MAML3: variants seen among roughly 807,000 people sequenced by gnomAD.
The protein encoded by MAML3 is mastermind-like protein 3.
Under a neutral mutation model 101.9 loss-of-function variants are expected in MAML3, and 27 were observed. The ratio of observed to expected loss-of-function variants is 0.27; its 90% CI spans 0.20 to 0.37. The LOEUF (loss-of-function observed/expected upper bound fraction) is 0.37, where lower values mean the gene tolerates loss of function less well. MAML3 is among the 10% of genes least tolerant of loss of function. The pLI, the probability that MAML3 is intolerant of heterozygous loss-of-function variation, is 1.00. For synonymous variants in MAML3, 501 were observed against 555.9 expected (o/e 0.90, Z 1.39); for missense variants, 1,316 against 1,444.9 (o/e 0.91, Z 1.45).
At chr4:139,894,900 T>G (rs1732579370) in intron 1 of MAML3, among the ~76,000 whole-genome samples, 1 of 152,212 alleles carries the variant, frequency 6.6e-6, no homozygotes, top group Non-Finnish European at 1.5e-5. Context: ...TTAAAGGAAA[T>G]GAAGGTTAGG....
In MAML3 at chr4:139,999,780, GT is replaced by G. The variant is rs1240234136; in HGVS notation, c.469-108814del. On this transcript the variant is annotated intron_variant, in intron 1 of 4. Transcript: ENST00000509479. The stretch of plus-strand genomic sequence containing the variant: ...AAGAACCAACTCGAAACTGTGGATT[GT>G]TTTCTTATAAGGGAATAAAAACACA... Among the ~76,000 whole-genome samples, 21 of 152,304 alleles carry G rather than the reference GT, an allele frequency of 1.4e-4. No individual in the cohort carries two copies. The South Asian group carries it at 3.1e-3, about 23-fold the overall frequency.
intron 1 of MAML3, among the ~76,000 whole-genome samples, chr4:139,893,739 C>T (rs1048635225): frequency 6.6e-6 from 1 of 152,028 alleles, no homozygotes; most frequent in Non-Finnish European, 1.5e-5. Context: ...TTTAAAAGTC[C>T]AGTTATGAAG....
At chr4:139,919,170 A>C (rs1197489852) in intron 1 of MAML3, among the ~76,000 whole-genome samples, 1 of 152,082 alleles carries the variant, frequency 6.6e-6, no homozygotes, top group Admixed American at 6.5e-5. Flanking sequence ...GAGGTGGTAG[A>C]ATCTCCTTTT....
chr4:140,041,766 A>G (rs1388824230), intron 1 of MAML3, among the ~76,000 whole-genome samples: 1 of 152,172 alleles, frequency 6.6e-6, no homozygotes, highest in African/African-American at 2.4e-5. Context: ...CATGTTTAAC[A>G]TGGGGAAAAT....
At chr4:139,817,545 T>C (rs145547810) in intron 2 of MAML3, among the ~76,000 whole-genome samples, 3 of 152,300 alleles carry the variant, frequency 2.0e-5, no homozygotes, top group Non-Finnish European at 4.4e-5. Context: ...CTCCTCCATA[T>C]ATATCACCTC....
At chr4:140,099,308 A>G (rs1432284632) in intron 1 of MAML3, among the ~76,000 whole-genome samples, 1 of 152,146 alleles carries the variant, frequency 6.6e-6, no homozygotes, top group Non-Finnish European at 1.5e-5. Context: ...AGCCTTAAGC[A>G]AAATACTGAG....
chr4:139,752,332 C>G (rs28675155), intron 2 of MAML3, among the ~76,000 whole-genome samples: 4,278 of 152,266 alleles, frequency 0.028, 142 homozygotes, highest in East Asian at 0.14. Flanking sequence ...GGTATTTAGG[C>G]CTGTGGTTGC....
intron 2 of MAML3, among the ~76,000 whole-genome samples, chr4:139,737,626 G>A (rs1331814686): frequency 6.6e-6 from 1 of 152,152 alleles, no homozygotes; most frequent in Non-Finnish European, 1.5e-5. Context: ...GACATTTAAA[G>A]AAAGGGCATA....
intron 1 of MAML3, among the ~76,000 whole-genome samples, chr4:140,007,837 T>C (rs977402108): frequency 6.6e-5 from 10 of 152,206 alleles, no homozygotes; most frequent in African/African-American, 2.2e-4. Context: ...TCTCTGCTCT[T>C]GCACTGAAAC....
intron 1 of MAML3, among the ~76,000 whole-genome samples, chr4:140,097,225 A>G (rs1000597930): frequency 2.0e-5 from 3 of 152,252 alleles, no homozygotes; most frequent in Admixed American, 6.5e-5. Flanking sequence ...GGGCAAGAGC[A>G]TAAGAGATGA....
At chr4:139,760,702 A>T (rs56044267) in intron 2 of MAML3, among the ~76,000 whole-genome samples, 3 of 152,206 alleles carry the variant, frequency 2.0e-5, no homozygotes, top group South Asian at 4.1e-4. Context: ...GTACTACTAT[A>T]TTCTATACCC....
intron 1 of MAML3, among the ~76,000 whole-genome samples, chr4:140,135,657 C>A (rs1328814152): frequency 6.6e-6 from 1 of 152,222 alleles, no homozygotes; most frequent in African/African-American, 2.4e-5. Context: ...GAAGAGCCAC[C>A]ATACACCCAA....
At chr4:139,824,301 C>T (rs1731023033) in intron 2 of MAML3, among the ~76,000 whole-genome samples, 1 of 152,196 alleles carries the variant, frequency 6.6e-6, no homozygotes, top group Admixed American at 6.5e-5. Context: ...CAGAATGCCG[C>T]ACGCATTTGT....
At chr4:139,928,431 A>T (rs1173385911) in intron 1 of MAML3, among the ~76,000 whole-genome samples, 4 of 152,212 alleles carry the variant, frequency 2.6e-5, no homozygotes, top group Non-Finnish European at 4.4e-5. Context: ...AAGAATACAG[A>T]GAGTAAGGAC....
chr4:139,774,009 C>T (rs1233069287), intron 2 of MAML3, among the ~76,000 whole-genome samples: 1 of 152,206 alleles, frequency 6.6e-6, no homozygotes, highest in Non-Finnish European at 1.5e-5. Flanking sequence ...GTCAGGAGTT[C>T]AAGCAAGCCA....
chr4:139,846,966 A>G, intron 2 of MAML3, among the ~76,000 whole-genome samples: 1 of 152,166 alleles, frequency 6.6e-6, no homozygotes, highest in East Asian at 1.9e-4. Context: ...TTCTTCCCAC[A>G]TCATTCAGTA....
At chr4:139,921,616 A>T (rs1473643616) in intron 1 of MAML3, among the ~76,000 whole-genome samples, 1 of 152,116 alleles carries the variant, frequency 6.6e-6, no homozygotes, top group African/African-American at 2.4e-5. Context: ...GTCCCTAGCC[A>T]CAACACTTCT....
chr4:140,019,789 G>T (rs1171650057), intron 1 of MAML3, among the ~76,000 whole-genome samples: 1 of 152,174 alleles, frequency 6.6e-6, no homozygotes, highest in African/African-American at 2.4e-5. Context: ...ACAATGAGCA[G>T]CTGGGAGTGT....
chr4:139,886,613 T>A (rs754478763), intron 2 of MAML3, among the ~76,000 whole-genome samples: 1 of 152,208 alleles, frequency 6.6e-6, no homozygotes, highest in African/African-American at 2.4e-5. Flanking sequence ...CATTTCCATA[T>A]GATTAGTCAT....
Sources: allele counts gnomAD v4.1 joint callset (sites outside exome capture counted in the v4.1 genomes callset), GRCh38; gene constraint gnomAD v4.1.1; transcripts MANE v1.5; gene names NCBI Gene and HGNC (gene_info 2026-07-23, HGNC 2026-07-21).